The following NMRK1 variants were observed in gnomAD, a reference collection of about 807,000 sequenced individuals.
The protein encoded by NMRK1 is nicotinamide riboside kinase 1, also known as NRK 1.
NMRK1 carries 28 observed loss-of-function variants against 29.9 expected under a neutral mutation model. The ratio of observed to expected loss-of-function variants is 0.94; its 90% CI spans 0.69 to 1.28. The LOEUF (loss-of-function observed/expected upper bound fraction) is 1.28, where lower values mean the gene tolerates loss of function less well. Ranked by LOEUF, NMRK1 falls within the 50% of genes most tolerant of loss-of-function variation. The pLI, the probability that NMRK1 is intolerant of heterozygous loss-of-function variation, is 0.00. For synonymous variants in NMRK1, 58 were observed against 73.0 expected (o/e 0.79, Z 1.05); for missense variants, 218 against 233.1 (o/e 0.94, Z 0.42).
chr9:75,083,894 T>C (rs1824467159), intron 1 of NMRK1, among the ~76,000 whole-genome samples: 2 of 152,236 alleles, frequency 1.3e-5, no homozygotes, highest in Non-Finnish European at 2.9e-5. Context: ...TCATAATTTT[T>C]TTAACAGGTC....
intron 1 of NMRK1, among the ~76,000 whole-genome samples, chr9:75,084,367 G>A (rs1824498395): frequency 6.6e-6 from 1 of 152,222 alleles, no homozygotes. Context: ...AAAAAAGCCT[G>A]GTGGGAAGAG....
At chr9:75,067,003 G>A (rs765634040) in intron 7 of NMRK1, 163 bp from the exon 8 acceptor site, 9 of 515,590 alleles carry the variant, frequency 1.7e-5, no homozygotes, top group Non-Finnish European at 3.1e-5. Context: ...AGAAATAGAT[G>A]CTAGCCAGCT....
chr9:75,075,143 A>G (rs1823917048), intron 4 of NMRK1, among the ~76,000 whole-genome samples: 2 of 152,228 alleles, frequency 1.3e-5, no homozygotes, highest in African/African-American at 4.8e-5. Context: ...ACATTTATTA[A>G]TCCAATAACT....
At chr9:75,069,674 C>T in intron 6 of NMRK1, 68 bp downstream of exon 6, 1 of 1,229,700 alleles carries the variant, frequency 8.1e-7, no homozygotes, top group Non-Finnish European at 1.2e-6. Context: ...AATAATGTTG[C>T]TGTCCTCATT....
At chr9:75,062,864 T>C (rs1823105188) in intron 8 of NMRK1, among the ~76,000 whole-genome samples, 1 of 152,142 alleles carries the variant, frequency 6.6e-6, no homozygotes, top group Non-Finnish European at 1.5e-5. Flanking sequence ...AAACCCCGTC[T>C]TAACTAAAAA....
Position 75,077,516 on chromosome 9 carries a change from C to A in NMRK1, c.94G>T (p.Val32Phe). 2 of 1,611,880 alleles carry A rather than the reference C, an allele frequency of 1.2e-6. No homozygotes were observed. Among genetic ancestry groups the A allele is most frequent in the South Asian group, 2.2e-5 (2 of 91,016 alleles). Residue 32 changes from valine to phenylalanine, a missense_variant, in exon 3 of 9, where the codon GTC becomes TTC. By Grantham distance (50) the Val-to-Phe change is conservative. Transcript: ENST00000361092. ...TTGAAGAAATCATCCTGAGATATGA[C>A]ACTGCAATTTGGGAGGTGTTTCTGC... is the stretch of plus-strand genomic sequence containing the variant. ...NLQKHLPNCS[V>F]ISQDDFFKPE... is the part of the protein sequence containing the mutation.
intron 2 of NMRK1, among the ~76,000 whole-genome samples, chr9:75,082,433 T>C (rs1277144595): frequency 2.0e-5 from 3 of 152,230 alleles, no homozygotes; most frequent in Non-Finnish European, 4.4e-5. Context: ...TCAGATATTT[T>C]ATTAATTGGG....
At chr9:75,070,652 C>G (rs1823645932) in intron 4 of NMRK1, among the ~76,000 whole-genome samples, 1 of 152,154 alleles carries the variant, frequency 6.6e-6, no homozygotes, top group Non-Finnish European at 1.5e-5. Flanking sequence ...ATTAGCATCA[C>G]CTGGGAACTT....
At chr9:75,078,638 T>C (rs1824149128) in intron 2 of NMRK1, 2 of 946,138 alleles carry the variant, frequency 2.1e-6, no homozygotes, top group Non-Finnish European at 2.7e-6. Context: ...ATTATACCTT[T>C]ATTTTCATTG....
At chr9:75,076,944 T>A (rs756776244) in intron 4 of NMRK1, among the ~76,000 whole-genome samples, 1 of 152,194 alleles carries the variant, frequency 6.6e-6, no homozygotes, top group South Asian at 2.1e-4. Flanking sequence ...TTAACTTATT[T>A]AAATAGTTCA....
intron 8 of NMRK1, among the ~76,000 whole-genome samples, chr9:75,061,932 A>C (rs1004559373): frequency 1.1e-4 from 16 of 152,210 alleles, no homozygotes; most frequent in African/African-American, 3.9e-4. Context: ...TTGTTACTTT[A>C]ATCCCTTTTC....
At chr9:75,078,687 T>A in intron 2 of NMRK1, 1 of 425,886 alleles carries the variant, frequency 2.3e-6, no homozygotes, top group Non-Finnish European at 3.4e-6. Context: ...TAATTATAAA[T>A]GTAAGTGATA....
rs2118061720 is a variant in NMRK1 at position 75,069,056 on chromosome 9, G to A, written c.436C>T (p.His146Tyr). 2 of 1,614,092 alleles carry A rather than the reference G, an allele frequency of 1.2e-6. No homozygotes were observed. The highest frequency in any genetic ancestry group is 4.5e-5 in the East Asian group (2 of 44,878). The change falls in exon 7 of 9, where the codon CAT (histidine) becomes TAT (tyrosine). Residue 146 changes from histidine to tyrosine, a missense_variant. Transcript: ENST00000361092. ...PPDSPGYFDG[H>Y]VWPMYLKYRQ... ...TACTTTAGATACATGGGCCACACAT[G>A]GCCATCAAAGTATCCCGGAGAGTCT...
chr9:75,064,815 T>C (rs955142434), intron 8 of NMRK1, among the ~76,000 whole-genome samples: 1 of 152,166 alleles, frequency 6.6e-6, no homozygotes, highest in Non-Finnish European at 1.5e-5. Context: ...ACTGCTGGAG[T>C]GAGTCATACT....
Position 75,066,832 on chromosome 9 carries a change from C to G in NMRK1, c.505G>C (p.Asp169His). The change falls in exon 8 of 9, where the codon GAT becomes CAT. Residue 169 changes from aspartate (D) to histidine (H), a missense_variant. Transcript: ENST00000361092. ...QDITWEVVYL[D>H]GTKSEEDLFL... ...AGGTCCTCTTCAGATTTTGTTCCAT[C>G]CAGGTACACTACGAAGGGGAAAAGA... is the stretch of plus-strand genomic sequence containing the variant. 6.3e-7 allele frequency: 1 copy of G among 1,593,646 alleles called. No homozygotes were observed. The highest frequency in any genetic ancestry group is 8.6e-7 in the Non-Finnish European group (1 of 1,162,606).
intron 8 of NMRK1, among the ~76,000 whole-genome samples, chr9:75,065,193 G>C (rs1823265908): frequency 6.6e-6 from 1 of 152,032 alleles, no homozygotes; most frequent in African/African-American, 2.4e-5. Flanking sequence ...TTTTGAGACA[G>C]AGTCTCACTC....
chr9:75,072,057 T>C (rs2118102936), intron 4 of NMRK1, among the ~76,000 whole-genome samples: 1 of 152,274 alleles, frequency 6.6e-6, no homozygotes, highest in African/African-American at 2.4e-5. Context: ...GGGAGGACAG[T>C]TTTGCCTTTT....
At chr9:75,063,554 C>G (rs1398406430) in intron 8 of NMRK1, among the ~76,000 whole-genome samples, 1 of 152,144 alleles carries the variant, frequency 6.6e-6, no homozygotes, top group Non-Finnish European at 1.5e-5. Context: ...TAACTCCATT[C>G]TCTTACTCTG....
chr9:75,077,419 A>G, intron 3 of NMRK1, 71 bp downstream of exon 3: 3 of 1,139,926 alleles, frequency 2.6e-6, no homozygotes, highest in Admixed American at 3.6e-5. Context: ...GACTTCTTGG[A>G]TGTAATTCAA....
Sources: gnomAD v4.1 joint callset for allele counts (sites outside exome capture counted in the v4.1 genomes callset) on GRCh38, gnomAD v4.1.1 for gene constraint, MANE v1.5 for transcripts, NCBI Gene and HGNC (gene_info 2026-07-23, HGNC 2026-07-21) for gene names.